The following RIMS1 variants were observed in gnomAD, a reference collection of about 807,000 sequenced individuals.
The protein encoded by RIMS1 is regulating synaptic membrane exocytosis protein 1.
In RIMS1, 83 loss-of-function variants were observed where a neutral mutation model predicts 214.1. The ratio of observed to expected loss-of-function variants is 0.39; its 90% CI spans 0.32 to 0.47. The LOEUF (loss-of-function observed/expected upper bound fraction) is 0.47, where lower values mean the gene tolerates loss of function less well. Ranked by LOEUF, RIMS1 falls within the 20% of genes least tolerant of loss-of-function variation. The pLI, the probability that RIMS1 is intolerant of heterozygous loss-of-function variation, is 0.99. For missense variants in RIMS1, 2,050 were observed against 2,161.8 expected (o/e 0.95, Z 1.03); for synonymous variants, 793 against 786.8 (o/e 1.01, Z -0.13).
chr6:72,393,658 T>A (rs1352437823), intron 31 of RIMS1, among the ~76,000 whole-genome samples: 1 of 150,918 alleles, frequency 6.6e-6, no homozygotes, highest in African/African-American at 2.4e-5. Flanking sequence ...ACCCGGGAAG[T>A]GGAGCTTGCA....
intron 29 of RIMS1, among the ~76,000 whole-genome samples, chr6:72,370,073 C>T (rs2098167378): frequency 6.6e-6 from 1 of 152,182 alleles, no homozygotes. Context: ...ACTAAAATAG[C>T]ACATAGTCAT....
At chr6:72,183,243 T>G in intron 6 of RIMS1, 94 bp downstream of exon 6, 3 of 1,282,208 alleles carry the variant, frequency 2.3e-6, no homozygotes, top group Non-Finnish European at 3.3e-6. Flanking sequence ...GGTTCAGCAT[T>G]GAGGCTGGGA....
rs780611745 is a variant in RIMS1, at chr6:72,196,603, T to TTTTTTTTTTTA, written c.1678+13454_1678+13455insTTTTTTTTTTA. Among the ~76,000 whole-genome samples, 36 of 132,284 alleles carry TTTTTTTTTTTA rather than the reference T, an allele frequency of 2.7e-4. 1 individual carries two copies. Among genetic ancestry groups the TTTTTTTTTTTA allele is most frequent in the African/African-American group, 9.1e-4 (33 of 36,070 alleles). The allele number at this position is 132,284 out of a possible 152,430, so 86.8% of individuals were successfully genotyped here. A position where few individuals can be genotyped will look rare whatever the true frequency, so the allele number is the denominator to read the frequency against. On this transcript the variant is annotated intron_variant, in intron 6 of 33. Coordinates refer to ENST00000521978, the MANE Select transcript of RIMS1 (RefSeq NM_014989.7). ...CACTTTTTTTTTTTTTTTTTTTTTT[T>TTTTTTTTTTTA]ACCTATACAGGAAATGGGTTAAAAG...
intron 29 of RIMS1, among the ~76,000 whole-genome samples, chr6:72,340,098 T>A (rs1323142337): frequency 6.6e-6 from 1 of 152,196 alleles, no homozygotes; most frequent in Non-Finnish European, 1.5e-5. Flanking sequence ...GAGAAGTGTC[T>A]GTTCATATCC....
chr6:72,389,836 A>T (rs1000896050), intron 29 of RIMS1, among the ~76,000 whole-genome samples: 6 of 152,312 alleles, frequency 3.9e-5, no homozygotes, highest in Admixed American at 3.9e-4. Flanking sequence ...TGGTTAGTGC[A>T]TTTCAAAGTG....
chr6:72,026,828 A>T (rs1040563992), intron 2 of RIMS1, among the ~76,000 whole-genome samples: 4 of 152,142 alleles, frequency 2.6e-5, no homozygotes, highest in Admixed American at 1.3e-4. Flanking sequence ...TCTCTTCAAA[A>T]AGCTTTTAAA....
At chr6:71,908,633 G>C (rs1284676668) in intron 1 of RIMS1, among the ~76,000 whole-genome samples, 1 of 150,478 alleles carries the variant, frequency 6.6e-6, no homozygotes, top group Non-Finnish European at 1.5e-5. Flanking sequence ...GTAACCCTGG[G>C]TGAGGCAGAA....
chr6:72,235,188 T>G (rs368825472), intron 7 of RIMS1, among the ~76,000 whole-genome samples: 3 of 152,148 alleles, frequency 2.0e-5, no homozygotes, highest in South Asian at 4.1e-4. Flanking sequence ...TCTCAAACAT[T>G]TATCATTTCT....
Position 72,157,424 on chromosome 6 carries a change from T to A in RIMS1, c.472-22151T>A, listed in dbSNP as rs1249728621. On this transcript the variant is annotated intron_variant, in intron 4 of 33. Coordinates refer to ENST00000521978, the MANE Select transcript of RIMS1 (RefSeq NM_014989.7). ...CTGTATTTGTGATTTGCCTATTTTTTTATTTAAGTTTATATAGGTTGAGAC... is the reference window on the plus strand; with the variant it reads ...CTGTATTTGTGATTTGCCTATTTTTATATTTAAGTTTATATAGGTTGAGAC... 5.7e-5 allele frequency among the ~76,000 whole-genome samples: 8 copies of A among 140,230 alleles called. 2 individuals carry two copies. The highest frequency in any genetic ancestry group is 9.7e-5 in the Non-Finnish European group (6 of 61,670). The allele number at this position is 140,230 out of a possible 152,430, so 92.0% of individuals were successfully genotyped here.
intron 1 of RIMS1, among the ~76,000 whole-genome samples, chr6:71,913,544 A>G (rs1246588321): frequency 6.6e-6 from 1 of 152,166 alleles, no homozygotes; most frequent in Non-Finnish European, 1.5e-5. Context: ...TAACACCCTT[A>G]AATAGAAAAC....
At chr6:71,942,207 A>C (rs1348976884) in intron 1 of RIMS1, among the ~76,000 whole-genome samples, 1 of 152,316 alleles carries the variant, frequency 6.6e-6, no homozygotes, top group African/African-American at 2.4e-5. Flanking sequence ...GTGTAAGGCC[A>C]GTATAGGTAA....
At chr6:72,117,383 CTGTT>C (rs1013002831) in intron 4 of RIMS1, among the ~76,000 whole-genome samples, 6 of 151,862 alleles carry the variant, frequency 4.0e-5, no homozygotes, top group Non-Finnish European at 7.4e-5. Flanking sequence ...TCTGTTAAGT[CTGTT>C]TGTTCTCTGG....
chr6:72,202,377 T>A (rs1280971932), intron 6 of RIMS1, among the ~76,000 whole-genome samples: 2 of 152,180 alleles, frequency 1.3e-5, no homozygotes, highest in African/African-American at 4.8e-5. Context: ...GGTTTATGGA[T>A]GACTGACTTT....
chr6:72,349,294 G>A (rs2097367333), intron 29 of RIMS1, among the ~76,000 whole-genome samples: 1 of 151,884 alleles, frequency 6.6e-6, no homozygotes, highest in South Asian at 2.1e-4. Flanking sequence ...TTTTGTAAAT[G>A]GAAATACCAT....
At chr6:72,064,585 G>A (rs564210905) in intron 2 of RIMS1, among the ~76,000 whole-genome samples, 62 of 152,318 alleles carry the variant, frequency 4.1e-4, no homozygotes, top group African/African-American at 1.3e-3. Context: ...GTGACAATGT[G>A]GTTCCAGCAC....
intron 6 of RIMS1, among the ~76,000 whole-genome samples, chr6:72,215,793 A>T (rs535162174): frequency 6.5e-4 from 99 of 152,302 alleles, no homozygotes; most frequent in African/African-American, 2.3e-3. Flanking sequence ...AAGAGAGAAA[A>T]ATTGTTCAAA....
chr6:71,931,388 G>A (rs1405053744), intron 1 of RIMS1, among the ~76,000 whole-genome samples: 2 of 151,948 alleles, frequency 1.3e-5, no homozygotes, highest in South Asian at 2.1e-4. Flanking sequence ...TTTAAAAATA[G>A]CCATTTGCAG....
chr6:72,042,173 A>G (rs1275196317), intron 2 of RIMS1, among the ~76,000 whole-genome samples: 1 of 151,896 alleles, frequency 6.6e-6, no homozygotes, highest in African/African-American at 2.4e-5. Context: ...TAAACTTTCA[A>G]CCCAGATCAG....
chr6:71,972,457 A>G (rs1259129130), intron 2 of RIMS1, among the ~76,000 whole-genome samples: 2 of 152,214 alleles, frequency 1.3e-5, no homozygotes, highest in African/African-American at 4.8e-5. Context: ...TAGTACTCAT[A>G]TCACTTGGTG....
Sources: gnomAD v4.1 joint callset for allele counts (sites outside exome capture counted in the v4.1 genomes callset) on GRCh38, gnomAD v4.1.1 for gene constraint, MANE v1.5 for transcripts, NCBI Gene and HGNC (gene_info 2026-07-23, HGNC 2026-07-21) for gene names.